Variants in FAP observed in about 807,000 individuals in gnomAD.
FAP encodes the protein prolyl endopeptidase FAP.
FAP carries 110 observed loss-of-function variants against 126.5 expected under a neutral mutation model. The observed-to-expected ratio is 0.87, with a 90% CI of 0.74 to 1.02. FAP has a LOEUF of 1.02. FAP is among the 50% of genes least tolerant of loss of function. FAP has a pLI of 0.00. For synonymous variants in FAP, 334 were observed against 297.3 expected, an observed-to-expected ratio of 1.12 and a Z score of -1.27; for missense variants, 919 against 909.2, an observed-to-expected ratio of 1.01 and a Z score of -0.14.
intron 20 of FAP, among the ~76,000 whole-genome samples, chr2:162,186,730 A>G (rs1687878139): frequency 6.6e-6 from 1 of 152,044 alleles, no homozygotes; most frequent in Non-Finnish European, 1.5e-5. Context: ...CATGTCCTTG[A>G]TGTTTATTGC....
Position 162,194,700 on chromosome 2 carries a change from C to G in FAP, c.1450+1G>C. The G allele has an allele frequency of 6.2e-7, 1 of 1,613,340 alleles. No individual in the cohort carries two copies. The highest frequency in any genetic ancestry group is 8.5e-7 in the Non-Finnish European group (1 of 1,179,500). The stretch of plus-strand genomic sequence containing the variant: ...GATAGATAACATGCAAGAGAGAGTA[C>G]CTTGATCAGTGCGTCCATCATGAAG... On this transcript the variant is annotated splice_donor_variant, in intron 17 of 25. Coordinates refer to ENST00000188790, the MANE Select transcript of FAP (RefSeq NM_004460.5). LOFTEE classifies it high-confidence loss of function.
Position 162,172,904 on chromosome 2 carries a change from A to G in FAP, c.2108-20T>C. ...CATTATCTGCAACAAAGAGAGAGAG[A>G]GTTAAAGTGCTGCTAAATACCAGAA... On this transcript the variant is annotated intron_variant, in intron 24 of 25. Transcript: ENST00000188790. The G allele has an allele frequency of 1.9e-6, 3 of 1,578,964 alleles. No individual in the cohort carries two copies. The highest frequency in any genetic ancestry group is 1.3e-5 in the African/African-American group (1 of 74,292).
In FAP at chr2:162,189,712, A is replaced by C. The variant is rs754775708; in HGVS notation, c.1493T>G (p.Leu498Trp). ...CTCTTTAGGCAGCTGGATATTTTTC[A>C]AAGCATTTTCCAATTCCTTGTTTTC... ...LEENKELENALKNIQLPKEEI... is the reference protein window; with the variant it reads ...LEENKELENAWKNIQLPKEEI... The change falls in exon 18 of 26, where the codon TTG becomes TGG. Residue 498 changes from leucine (L) to tryptophan (W), a missense_variant. Leu to Trp is a moderately conservative substitution (Grantham distance 61). Transcript: ENST00000188790. The C allele has an allele frequency of 6.3e-7, 1 of 1,593,746 alleles. No homozygotes were observed. The highest frequency in any genetic ancestry group is 1.1e-5 in the South Asian group (1 of 87,680).
chr2:162,215,797 G>T, intron 10 of FAP, 101 bp downstream of exon 10: 1 of 788,142 alleles, frequency 1.3e-6, no homozygotes, highest in Non-Finnish European at 2.1e-6. Context: ...TTAGCTTTGT[G>T]TGCAACTCTT....
chr2:162,215,674 T>C lies in FAP; in HGVS notation c.866+224A>G, dbSNP rs149286175. ...GGTCCCAAGTTCACATCTGTACATC[T>C]GAGGCAAGTTTCACTGAGATTGATC... is the stretch of plus-strand genomic sequence containing the variant. On this transcript the variant is annotated intron_variant, in intron 10 of 25. Transcript: ENST00000188790. 2.7e-4 allele frequency among the ~76,000 whole-genome samples: 41 copies of C among 152,306 alleles called. No individual in the cohort carries two copies. In the East Asian group the frequency reaches 5.2e-3, roughly 19 times the overall value.
At chr2:162,196,684 C>CCTATCATCT (rs1688265811) in intron 16 of FAP, among the ~76,000 whole-genome samples, 1 of 152,050 alleles carries the variant, frequency 6.6e-6, no homozygotes, top group African/African-American at 2.4e-5. Flanking sequence ...CTGTTTTGAT[C>CCTATCATCT]CTATCATCTG....
chr2:162,183,494 G>T, intron 20 of FAP, 26 bp from the exon 21 acceptor site: 1 of 1,417,296 alleles, frequency 7.1e-7, no homozygotes, highest in Non-Finnish European at 1.0e-6. Context: ...CAAATTTTTA[G>T]AATGTTAAGT....
chr2:162,189,298 A>T, intron 18 of FAP, 126 bp from the exon 19 acceptor site: 1 of 519,308 alleles, frequency 1.9e-6, no homozygotes, highest in Non-Finnish European at 3.3e-6. Context: ...AATTTAGGAT[A>T]TATTTAAAAG....
intron 16 of FAP, among the ~76,000 whole-genome samples, chr2:162,195,745 T>A (rs1228362394): frequency 6.6e-6 from 1 of 152,118 alleles, no homozygotes; most frequent in African/African-American, 2.4e-5. Context: ...ATTCCTTATT[T>A]GAAATACAGG....
chr2:162,217,204 T>A (rs1339706567), intron 9 of FAP, among the ~76,000 whole-genome samples: 2 of 152,212 alleles, frequency 1.3e-5, no homozygotes, highest in African/African-American at 4.8e-5. Context: ...ACCCACTGTG[T>A]CCAGCCACGA....
At position 162,218,923 on chromosome 2, in the gene FAP, A is replaced by T. The variant is rs568209352; in HGVS notation, c.607+140T>A. 7 of 590,720 alleles carry T rather than the reference A, an allele frequency of 1.2e-5. No individual in the cohort carries two copies. In the East Asian group the frequency reaches 1.9e-4, roughly 16 times the overall value. 36.6% of individuals were successfully genotyped at this position (590,720 alleles called of 1,614,324 possible). A position where few individuals can be genotyped will look rare whatever the true frequency, so the allele number is the denominator to read the frequency against. ...TGTTCTTTTAAAATACGTATGCCCT[A>T]TTCGTAACCTAGAGACAATTTTCAG... On this transcript the variant is annotated intron_variant, in intron 8 of 25. Transcript: ENST00000188790.
chr2:162,230,564 G>T (rs146229029), intron 2 of FAP, among the ~76,000 whole-genome samples: 15 of 149,990 alleles, frequency 1.0e-4, no homozygotes, highest in African/African-American at 3.7e-4. Flanking sequence ...TTTTGTGTTC[G>T]CTTGTTTTGA....
intron 21 of FAP, among the ~76,000 whole-genome samples, chr2:162,178,463 CAGT>C (rs1687565502): frequency 3.3e-5 from 5 of 152,116 alleles, no homozygotes. Flanking sequence ...CACTAGATGC[CAGT>C]AGCACTCCCC....
intron 2 of FAP, among the ~76,000 whole-genome samples, chr2:162,232,402 C>T (rs182031018): frequency 1.3e-3 from 202 of 152,208 alleles, no homozygotes; most frequent in Non-Finnish European, 2.3e-3. Flanking sequence ...GATACTTTGC[C>T]ACTATACTAT....
intron 2 of FAP, among the ~76,000 whole-genome samples, chr2:162,241,437 T>C (rs1350903327): frequency 6.6e-6 from 1 of 152,240 alleles, no homozygotes; most frequent in Non-Finnish European, 1.5e-5. Context: ...GTAAATATAA[T>C]GCATTTCTTA....
chr2:162,220,309 G>C (rs920558652), intron 6 of FAP, among the ~76,000 whole-genome samples: 4 of 152,190 alleles, frequency 2.6e-5, no homozygotes, highest in Non-Finnish European at 4.4e-5. Context: ...CACATTGCTA[G>C]TTCTTGGCAG....
intron 17 of FAP, among the ~76,000 whole-genome samples, chr2:162,191,026 A>G (rs986851506): frequency 6.6e-6 from 1 of 152,136 alleles, no homozygotes; most frequent in Non-Finnish European, 1.5e-5. Context: ...AAAAAGTAAA[A>G]TGAATACACA....
intron 16 of FAP, among the ~76,000 whole-genome samples, chr2:162,195,857 C>A (rs1404835781): frequency 6.6e-6 from 1 of 151,994 alleles, no homozygotes; most frequent in East Asian, 1.9e-4. Context: ...TCATTTGCCA[C>A]CCCACCCCCC....
chr2:162,212,144 A>G (rs1049895748), intron 11 of FAP, among the ~76,000 whole-genome samples: 1 of 152,198 alleles, frequency 6.6e-6, no homozygotes, highest in Non-Finnish European at 1.5e-5. Context: ...AGCATCTTAA[A>G]TGTTCTGTCA....
Sources: gnomAD v4.1 joint callset for allele counts (sites outside exome capture counted in the v4.1 genomes callset) on GRCh38, gnomAD v4.1.1 for gene constraint, MANE v1.5 for transcripts, NCBI Gene and HGNC (gene_info 2026-07-23, HGNC 2026-07-21) for gene names.